The following DMXL2 variants were observed in gnomAD, a reference collection of about 807,000 sequenced individuals.
The protein encoded by DMXL2 is Dmx like 2.
In DMXL2, 103 loss-of-function variants were observed where a neutral mutation model predicts 331.1. That is an observed-to-expected ratio of 0.31 (90% CI 0.27 to 0.37). DMXL2 has a LOEUF of 0.37. DMXL2 is among the 10% of genes least tolerant of loss of function. DMXL2 has a pLI of 1.00. For synonymous variants in DMXL2, 1,281 were observed against 1,252.1 expected (o/e 1.02, Z -0.49); for missense variants, 3,171 against 3,642.9 (o/e 0.87, Z 3.33).
chr15:51,481,710 C>A, intron 23 of DMXL2, 87 bp from the exon 24 acceptor site: 2 of 1,264,844 alleles, frequency 1.6e-6, no homozygotes, highest in Non-Finnish European at 1.1e-6. Context: ...AGCATTTCTT[C>A]AAAAAAACAA....
At chr15:51,461,322 T>TG (rs1406732123) in intron 33 of DMXL2, among the ~76,000 whole-genome samples, 4 of 151,906 alleles carry the variant, frequency 2.6e-5, no homozygotes, top group Non-Finnish European at 5.9e-5. Context: ...AGCAAACTCG[T>TG]GGGGAAGGGC....
chr15:51,580,632 A>C (rs567104242), intron 1 of DMXL2, among the ~76,000 whole-genome samples: 5 of 152,182 alleles, frequency 3.3e-5, no homozygotes, highest in Non-Finnish European at 7.3e-5. Context: ...CACACAGAGA[A>C]GGCCCAAGAA....
At chr15:51,455,460 G>A (rs568283649) in intron 39 of DMXL2, among the ~76,000 whole-genome samples, 5 of 152,090 alleles carry the variant, frequency 3.3e-5, no homozygotes, top group Non-Finnish European at 7.4e-5. Flanking sequence ...GTGCAGTAGT[G>A]CAATTATAAC....
rs760864019 is a variant in DMXL2, at chr15:51,535,735, T to G, written c.2364A>C (p.Lys788Asn). The stretch of plus-strand genomic sequence containing the variant: ...CTACAGCTTGATAGAGTCTCAGATT[T>G]TTGCCATCAGAAGCAACAAAGCAAG... ...ASACFVASDGKNLRLYQAVVD... is the reference protein window; with the variant it reads ...ASACFVASDGNNLRLYQAVVD... The change falls in exon 13 of 44, where the codon AAA becomes AAC. Residue 788 changes from lysine (K) to asparagine (N), a missense_variant. Lys to Asn is a moderately conservative substitution (Grantham distance 94, BLOSUM62 0). Transcript: ENST00000560891. 4.3e-5 allele frequency: 70 copies of G among 1,609,724 alleles called. 1 individual carries two copies. The South Asian group carries it at 7.6e-4, about 18-fold the overall frequency.
intron 8 of DMXL2, among the ~76,000 whole-genome samples, chr15:51,543,009 A>G (rs1395748369): frequency 6.7e-6 from 1 of 149,466 alleles, no homozygotes; most frequent in African/African-American, 2.6e-5. Context: ...CTTAGATAGG[A>G]GTAGACAAGG....
chr15:51,523,663 A>ACAGAGGCAGACGG (rs56259821), intron 13 of DMXL2, among the ~76,000 whole-genome samples: 5 of 151,880 alleles, frequency 3.3e-5, no homozygotes, highest in Non-Finnish European at 5.9e-5. Flanking sequence ...CCATGAGAAG[A>ACAGAGGCAGACGG]CAGTGATGCA....
chr15:51,611,112 A>G (rs1295769798), intron 1 of DMXL2, among the ~76,000 whole-genome samples: 1 of 152,084 alleles, frequency 6.6e-6, no homozygotes, highest in East Asian at 1.9e-4. Context: ...AAGAAAGGAA[A>G]TAATAAATTA....
At chr15:51,601,248 A>G (rs888080002) in intron 1 of DMXL2, among the ~76,000 whole-genome samples, 4 of 138,394 alleles carry the variant, frequency 2.9e-5, no homozygotes, top group Admixed American at 2.5e-4. Flanking sequence ...CCGAGATTGC[A>G]CCACTGCATT....
intron 18 of DMXL2, among the ~76,000 whole-genome samples, chr15:51,498,310 G>A (rs908220196): frequency 6.6e-6 from 1 of 152,032 alleles, no homozygotes; most frequent in East Asian, 1.9e-4. Context: ...ATGACACAAA[G>A]GTTTCAGTGT....
In DMXL2 at chr15:51,488,030, G is replaced by C; in HGVS notation, c.5141C>G (p.Ser1714Cys). The C allele has an allele frequency of 1.2e-6, 2 of 1,612,478 alleles. No homozygotes were observed. The highest frequency in any genetic ancestry group is 1.7e-6 in the Non-Finnish European group (2 of 1,179,504). The change falls in exon 22 of 44, where the codon TCC becomes TGC. Residue 1714 changes from serine to cysteine, a missense_variant. By Grantham distance (112) the Ser-to-Cys change is moderately radical. This residue lies in a region of DMXL2 where 252 missense variants were observed against 387.4 expected (regional missense o/e 0.65). Transcript: ENST00000560891. The part of the protein sequence containing the change: ...WRKAALKNAF[S>C]LLGKQRFEQS... The stretch of plus-strand genomic sequence containing the variant: ...TTCAAAGCGTTGTTTTCCAAGTAAG[G>C]AAAAAGCATTTTTCAAAGCAGCTTT...
intron 23 of DMXL2, among the ~76,000 whole-genome samples, chr15:51,481,919 G>A (rs2042043675): frequency 6.6e-6 from 1 of 152,072 alleles, no homozygotes; most frequent in South Asian, 2.1e-4. Context: ...AGACAGTGAA[G>A]AGGAAATACA....
In DMXL2 at chr15:51,480,869, C is replaced by T. The variant is rs1595955584; in HGVS notation, c.6237G>A (p.Lys2079=). 6.2e-7 allele frequency: 1 copy of T among 1,612,952 alleles called. No homozygotes were observed. The highest frequency in any genetic ancestry group is 1.3e-5 in the African/African-American group (1 of 74,964). Residue 2079 remains lysine (K), a synonymous_variant, in exon 24 of 44, where the codon AAG becomes AAA. Transcript: ENST00000560891. Reference sequence around the variant, plus strand: ...ATATCTCATGCAAGGCAGCAATTTCCTTTTCAAGCCAGTTATAGAGTTGAA... The same window carrying T: ...ATATCTCATGCAAGGCAGCAATTTCTTTTTCAAGCCAGTTATAGAGTTGAA... The part of the protein sequence containing the change: ...LRFQLYNWLE[K]EIAALHEICN...
At chr15:51,522,500 T>A (rs1012999976) in intron 13 of DMXL2, among the ~76,000 whole-genome samples, 3 of 152,048 alleles carry the variant, frequency 2.0e-5, no homozygotes, top group Non-Finnish European at 2.9e-5. Context: ...AAAAATTAGC[T>A]GGGCATGGTG....
chr15:51,540,532 G>GA (rs1380969760), intron 9 of DMXL2, among the ~76,000 whole-genome samples: 2 of 151,950 alleles, frequency 1.3e-5, no homozygotes, highest in Non-Finnish European at 2.9e-5. Context: ...CAGAGGAGGA[G>GA]AACAAAAGAA....
intron 19 of DMXL2, among the ~76,000 whole-genome samples, chr15:51,493,898 T>G (rs2042976735): frequency 6.6e-6 from 1 of 152,202 alleles, no homozygotes; most frequent in African/African-American, 2.4e-5. Flanking sequence ...TCATCAAACT[T>G]CTTTTTTATT....
intron 13 of DMXL2, among the ~76,000 whole-genome samples, chr15:51,520,813 C>T (rs966910932): frequency 3.3e-5 from 5 of 151,974 alleles, no homozygotes; most frequent in African/African-American, 9.7e-5. Context: ...GCTGAGATCG[C>T]GCCACTGCAC....
chr15:51,610,539 C>T (rs973054628), intron 1 of DMXL2, among the ~76,000 whole-genome samples: 5 of 152,062 alleles, frequency 3.3e-5, no homozygotes, highest in Admixed American at 6.5e-5. Context: ...GAGGCCGAGG[C>T]GGGCAGATCA....
chr15:51,545,292 C>T (rs946323542), intron 8 of DMXL2, among the ~76,000 whole-genome samples: 1 of 152,002 alleles, frequency 6.6e-6, no homozygotes, highest in African/African-American at 2.4e-5. Flanking sequence ...TCACATGTGA[C>T]ATGCAAAACA....
Position 51,507,241 on chromosome 15 carries a change from G to T in DMXL2, c.2657C>A (p.Pro886Gln). 1 of 1,609,886 alleles carries T rather than the reference G, an allele frequency of 6.2e-7. No homozygotes were observed. The highest frequency in any genetic ancestry group is 8.5e-7 in the Non-Finnish European group (1 of 1,178,188). The change falls in exon 16 of 44, where the codon CCA becomes CAA. Residue 886 changes from proline (P) to glutamine (Q), a missense_variant. Coordinates refer to ENST00000560891, the MANE Select transcript of DMXL2 (RefSeq NM_001378457.1). ...FFQPSQGYRPPPFSEKFFLVV... is the reference protein window; with the variant it reads ...FFQPSQGYRPQPFSEKFFLVV... ...TAGAAAGAACTTTTCTGAAAATGGT[G>T]GTGGGCGGTATCCTATTATTCAAAG...
Sources: allele counts gnomAD v4.1 joint callset (sites outside exome capture counted in the v4.1 genomes callset), GRCh38; gene constraint gnomAD v4.1.1; regional missense constraint gnomAD v4.1.1; transcripts MANE v1.5; gene names NCBI Gene and HGNC (gene_info 2026-07-23, HGNC 2026-07-21).